ZNF559: variants seen among roughly 807,000 people sequenced by gnomAD.
ZNF559 encodes zinc finger protein 559, also known as putative protein product of Nbla00121.
Under a neutral mutation model 14.2 loss-of-function variants are expected in ZNF559, and 17 were observed. The observed-to-expected ratio is 1.20, with a 90% confidence interval of 0.82 to 1.80. The LOEUF (loss-of-function observed/expected upper bound fraction) is 1.80. Among genes scored for constraint, ZNF559 ranks in the 40% most tolerant of loss-of-function variants. The pLI is 0.00. For missense variants in ZNF559, 740 were observed against 629.7 expected (o/e 1.18, Z -1.88); for synonymous variants, 244 against 212.4 (o/e 1.15, Z -1.29).
chr19:9,330,902 G>C (rs919175917), intron 2 of ZNF559, among the ~76,000 whole-genome samples: 1 of 152,200 alleles, frequency 6.6e-6, no homozygotes, highest in Admixed American at 6.5e-5. Flanking sequence ...GTGCACTGAA[G>C]TAGTAGGTAT....
In ZNF559 at chr19:9,342,681, C is replaced by T. The variant is rs964436263; in HGVS notation, c.1230C>T (p.Asp410=). Residue 410 remains aspartate (D), a synonymous_variant, in exon 7 of 7, where the codon GAC becomes GAT. Transcript: ENST00000603380. ...CTCATCCTGGTGTAAAACCCTATGA[C>T]TGTCAACAGTGTGGGAAAGCCTTCA... ...MQTHPGVKPY[D]CQQCGKAFIR... 3 of 1,614,102 alleles carry T rather than the reference C, an allele frequency of 1.9e-6. No individual in the cohort carries two copies. The highest frequency in any genetic ancestry group is 3.3e-5 in the Admixed American group (2 of 60,022).
chr19:9,341,444 G>A, intron 6 of ZNF559: 1 of 780,486 alleles, frequency 1.3e-6, no homozygotes, highest in South Asian at 1.5e-5. Flanking sequence ...TCACTCTTGG[G>A]CCGTTATCAG....
Position 9,345,242 on chromosome 19 carries a change from A to G in ZNF559, c.*2174A>G, listed in dbSNP as rs2067703714. The G allele has an allele frequency of 6.6e-6, 1 of 152,200 alleles. No individual in the cohort carries two copies. The allele number at this position is 152,200 out of a possible 1,614,324, so 9.4% of individuals were successfully genotyped here. Reference sequence around the variant, plus strand: ...CATGTGTTATTTCTACCTTTTGGCTATTGCAATTAAAACTGCCTTGAATAC... The same window carrying G: ...CATGTGTTATTTCTACCTTTTGGCTGTTGCAATTAAAACTGCCTTGAATAC... On this transcript the variant is annotated 3_prime_UTR_variant, in exon 7 of 7. Coordinates refer to ENST00000603380, the MANE Select transcript of ZNF559 (RefSeq NM_032497.3).
rs1265234639 is a variant in ZNF559 at position 9,337,922 on chromosome 19, TCAGA to T, written c.-57+68_-57+71del. The T allele has an allele frequency of 3.9e-6, 6 of 1,535,540 alleles. No homozygotes were observed. In the Middle Eastern group the frequency reaches 5.0e-4, roughly 128 times the overall value. On this transcript the variant is annotated intron_variant, in intron 3 of 6. Coordinates refer to ENST00000603380, the MANE Select transcript of ZNF559 (RefSeq NM_032497.3). Reference sequence around the variant, plus strand: ...AATTGAGATTGACTTACCCATAAGTTCAGACAGTGTCTCGAAGAGACTTTGGGAA... The same window carrying T: ...AATTGAGATTGACTTACCCATAAGTTCAGTGTCTCGAAGAGACTTTGGGAA...
intron 2 of ZNF559, among the ~76,000 whole-genome samples, chr19:9,328,721 T>A (rs2066774071): frequency 6.6e-6 from 1 of 152,120 alleles, no homozygotes; most frequent in Non-Finnish European, 1.5e-5. Flanking sequence ...TAGGGCTGTA[T>A]AAAGGGGTCA....
rs199561073 is a variant in ZNF559, at chr19:9,342,752, A to G, written c.1301A>G (p.Glu434Gly). ...CGACATTTGAGAAGTCACAGTGCAG[A>G]AAGGCCTTTTGAATGTGAGGAATGT... Reference protein sequence around the residue: ...LIRHLRSHSAERPFECEECGK... With the variant: ...LIRHLRSHSAGRPFECEECGK... The change falls in exon 7 of 7, where the codon GAA becomes GGA. Residue 434 changes from glutamate (E) to glycine (G), a missense_variant. By Grantham distance (98) the Glu-to-Gly change is moderately conservative. Coordinates refer to ENST00000603380, the MANE Select transcript of ZNF559 (RefSeq NM_032497.3). 598 of 1,614,106 alleles carry G rather than the reference A, an allele frequency of 3.7e-4. No homozygotes were observed. Among genetic ancestry groups the G allele is most frequent in the Non-Finnish European group, 4.9e-4 (580 of 1,180,046 alleles).
chr19:9,324,010 A>T, upstream of ZNF559: 1 of 694,466 alleles, frequency 1.4e-6, no homozygotes, highest in Non-Finnish European at 2.4e-6. Flanking sequence ...GACAGCTTGC[A>T]GTCAAGACCC....
chr19:9,324,594 G>C, intron 1 of ZNF559, 101 bp from the exon 2 acceptor site: 2 of 1,131,016 alleles, frequency 1.8e-6, no homozygotes, highest in South Asian at 1.5e-5. Flanking sequence ...AGGAGTTCAA[G>C]ACCAGGCAGG....
At chr19:9,331,520 G>A (rs981918731) in intron 2 of ZNF559, among the ~76,000 whole-genome samples, 3 of 152,120 alleles carry the variant, frequency 2.0e-5, no homozygotes, top group Non-Finnish European at 4.4e-5. Flanking sequence ...ACACAAAATA[G>A]ACTTTAAGAC....
chr19:9,337,726 T>C (rs1568364357), intron 2 of ZNF559, 70 bp from the exon 3 acceptor site: 1 of 1,158,038 alleles, frequency 8.6e-7, no homozygotes, highest in East Asian at 3.1e-5. Flanking sequence ...TAAACGGGAT[T>C]TGTTATTATT....
rs1324742374 is a variant in ZNF559 at position 9,343,749 on chromosome 19, G to T, written c.*681G>T. 40 of 985,786 alleles carry T rather than the reference G, an allele frequency of 4.1e-5. No individual in the cohort carries two copies. Among genetic ancestry groups the T allele is most frequent in the Non-Finnish European group, 4.7e-5 (39 of 830,318 alleles). The allele number at this position is 985,786 out of a possible 1,614,324, so 61.1% of individuals were successfully genotyped here. A position where few individuals can be genotyped will look rare whatever the true frequency, so the allele number is the denominator to read the frequency against. On this transcript the variant is annotated 3_prime_UTR_variant, in exon 7 of 7. Transcript: ENST00000603380. ...GGCTGTATTAATTTACATGCAAAAA[G>T]TCACACTAGAGGAATGCCATATCAG...
At chr19:9,326,681 G>C (rs1054884846) in intron 2 of ZNF559, among the ~76,000 whole-genome samples, 2 of 152,136 alleles carry the variant, frequency 1.3e-5, no homozygotes, top group African/African-American at 4.8e-5. Flanking sequence ...AGCATATCCA[G>C]TTATCAATAT....
At chr19:9,339,123 G>C in intron 4 of ZNF559, 70 bp from the exon 5 acceptor site, 1 of 1,604,482 alleles carries the variant, frequency 6.2e-7, no homozygotes, top group South Asian at 1.1e-5. Flanking sequence ...CCAAGACAAG[G>C]TCCCTCATTC....
Position 9,341,990 on chromosome 19 carries a change from C to G in ZNF559, c.539C>G (p.Thr180Ser). Residue 180 changes from threonine (T) to serine (S), a missense_variant, in exon 7 of 7, where the codon ACT becomes AGT. Physicochemically the swap from Thr to Ser is moderately conservative, Grantham distance 58. Transcript: ENST00000603380. ...NLHLVCKKTH[T>S]QEKPYKCSDC... is the part of the protein sequence containing the mutation. ...CATCTTGTTTGCAAGAAAACTCACA[C>G]TCAAGAGAAACCATATAAATGCAGT... 6.2e-7 allele frequency: 1 copy of G among 1,613,356 alleles called. No individual in the cohort carries two copies. Among genetic ancestry groups the G allele is most frequent in the Non-Finnish European group, 8.5e-7 (1 of 1,179,834 alleles).
chr19:9,342,017 A>G lies in ZNF559; in HGVS notation c.566A>G (p.Asp189Gly). The G allele has an allele frequency of 6.2e-7, 1 of 1,610,728 alleles. No homozygotes were observed. Among genetic ancestry groups the G allele is most frequent in the Admixed American group, 1.7e-5 (1 of 59,194 alleles). Reference sequence around the variant, plus strand: ...CAAGAGAAACCATATAAATGCAGTGACTGTGAAAAAGGCTTACCTTCCTCC... The same window carrying G: ...CAAGAGAAACCATATAAATGCAGTGGCTGTGAAAAAGGCTTACCTTCCTCC... Reference protein sequence around the residue: ...HTQEKPYKCSDCEKGLPSSSH... With the variant: ...HTQEKPYKCSGCEKGLPSSSH... The change falls in exon 7 of 7, where the codon GAC becomes GGC. Residue 189 changes from aspartate to glycine, a missense_variant. Physicochemically the swap from Asp to Gly is moderately conservative, Grantham distance 94. Transcript: ENST00000603380.
chr19:9,334,880 A>G (rs568337563), intron 2 of ZNF559, among the ~76,000 whole-genome samples: 1 of 152,282 alleles, frequency 6.6e-6, no homozygotes, highest in Admixed American at 6.5e-5. Context: ...CATGCCTGTA[A>G]TCCTAGCACT....
chr19:9,339,047 C>T (rs2067395794), intron 4 of ZNF559, 146 bp from the exon 5 acceptor site: 3 of 1,065,694 alleles, frequency 2.8e-6, no homozygotes, highest in African/African-American at 1.6e-5. Context: ...TGAATATGTA[C>T]AGACAGGGGA....
chr19:9,337,886 T>A, intron 3 of ZNF559, 28 bp downstream of exon 3: 1 of 1,530,412 alleles, frequency 6.5e-7, no homozygotes, highest in East Asian at 2.5e-5. Context: ...CACTACTACT[T>A]AATCAAGAGG....
chr19:9,324,206 G>T lies in ZNF559; in HGVS notation c.-228G>T, dbSNP rs1459857991. On this transcript the variant is annotated 5_prime_UTR_variant, in exon 1 of 7. Transcript: ENST00000603380. Reference sequence around the variant, plus strand: ...GCGCATAACGGCCGCCATCTTAACAGCGCGTTCCCGTTGGCGTCTGAGGTA... The same window carrying T: ...GCGCATAACGGCCGCCATCTTAACATCGCGTTCCCGTTGGCGTCTGAGGTA... 2.0e-6 allele frequency: 3 copies of T among 1,536,116 alleles called. No homozygotes were observed. Among genetic ancestry groups the T allele is most frequent in the South Asian group, 2.4e-5 (2 of 84,068 alleles).
Sources: gnomAD v4.1 joint callset for allele counts (sites outside exome capture counted in the v4.1 genomes callset) on GRCh38, gnomAD v4.1.1 for gene constraint, MANE v1.5 for transcripts, NCBI Gene and HGNC (gene_info 2026-07-23, HGNC 2026-07-21) for gene names.